The following NALCN variants were observed in gnomAD, a reference collection of about 807,000 sequenced individuals.
NALCN encodes the protein sodium leak channel, non-selective.
In NALCN, 111 loss-of-function variants were observed where a neutral mutation model predicts 225.3. The ratio of observed to expected loss-of-function variants is 0.49; its 90% CI spans 0.42 to 0.58. The LOEUF (loss-of-function observed/expected upper bound fraction) is 0.58, where lower values mean the gene tolerates loss of function less well. Among genes scored for constraint, NALCN ranks in the 20% least tolerant of loss-of-function variants. The pLI is 0.00. For synonymous variants in NALCN, 764 were observed against 769.0 expected, an observed-to-expected ratio of 0.99 and a Z score of 0.11; for missense variants, 1,378 against 2,202.4, an observed-to-expected ratio of 0.63 and a Z score of 7.49.
In NALCN at chr13:101,054,658, G is replaced by T. The variant is rs968061237; in HGVS notation, c.*637C>A. ...GCACACACAATTTTCTTAGAAGGAG[G>T]CAACAGTTTCATTAACATAACTGAG... is the stretch of plus-strand genomic sequence containing the variant. On this transcript the variant is annotated 3_prime_UTR_variant, in exon 44 of 44. Transcript: ENST00000251127. The T allele has an allele frequency of 6.6e-6, 1 of 152,054 alleles. No individual in the cohort carries two copies. The highest frequency in any genetic ancestry group is 2.4e-5 in the African/African-American group (1 of 41,404). The allele number at this position is 152,054 out of a possible 1,614,324, so 9.4% of individuals were successfully genotyped here.
At chr13:101,140,819 G>A (rs2037041278) in intron 17 of NALCN, among the ~76,000 whole-genome samples, 2 of 152,204 alleles carry the variant, frequency 1.3e-5, no homozygotes, top group Non-Finnish European at 2.9e-5. Flanking sequence ...GGCTACTCGG[G>A]AGGCTGAGGC....
chr13:101,287,510 C>G (rs1309488561), intron 9 of NALCN, among the ~76,000 whole-genome samples: 1 of 152,098 alleles, frequency 6.6e-6, no homozygotes, highest in African/African-American at 2.4e-5. Context: ...TTTTTACATG[C>G]AAAGTGGAGA....
At chr13:101,223,224 A>T (rs767125589) in intron 13 of NALCN, among the ~76,000 whole-genome samples, 2 of 152,180 alleles carry the variant, frequency 1.3e-5, no homozygotes, top group Non-Finnish European at 2.9e-5. Flanking sequence ...ATAAAGGAAC[A>T]GTTAAAAGCC....
At position 101,107,517 on chromosome 13, in the gene NALCN, C is replaced by T. The variant is rs2035192204; in HGVS notation, c.2549G>A (p.Cys850Tyr). ...VGREHRFRNF[C>Y]RVVVRARFNA... ...GAAGCGTGCTCGGACCACCACCCGG[C>T]AAAAGTTTCTGAACCTGTGTTCTCG... The change falls in exon 22 of 44, where the codon TGC becomes TAC. Residue 850 changes from cysteine (C) to tyrosine (Y), a missense_variant. Transcript: ENST00000251127. 2 of 1,614,008 alleles carry T rather than the reference C, an allele frequency of 1.2e-6. No individual in the cohort carries two copies. The highest frequency in any genetic ancestry group is 1.3e-5 in the African/African-American group (1 of 74,928).
rs372340040 is a variant in NALCN, at chr13:101,071,198, T to C, written c.4198-2371A>G. 4.3e-4 allele frequency among the ~76,000 whole-genome samples: 66 copies of C among 152,294 alleles called. 2 individuals are homozygous for C. The highest frequency in any genetic ancestry group is 1.5e-3 in the African/African-American group (63 of 41,552). The stretch of plus-strand genomic sequence containing the variant: ...AAACCATTGCAGGGTCCTAGGATTT[T>C]TGGAATGGTAAATGAGCATTGGCTT... On this transcript the variant is annotated intron_variant, in intron 37 of 43. Transcript: ENST00000251127.
At chr13:101,068,108 AT>A in intron 38 of NALCN, 75 bp from the exon 39 acceptor site, 1 of 871,636 alleles carries the variant, frequency 1.1e-6, no homozygotes, top group Non-Finnish European at 1.8e-6. Flanking sequence ...TAAAACATCT[AT>A]TATTAATAAT....
intron 17 of NALCN, among the ~76,000 whole-genome samples, chr13:101,132,676 G>T (rs1249627916): frequency 6.6e-6 from 1 of 151,970 alleles, no homozygotes; most frequent in Non-Finnish European, 1.5e-5. Context: ...AGTTGTCTAA[G>T]TTCACTCAGA....
At chr13:101,361,562 A>G (rs2139366286) in intron 6 of NALCN, among the ~76,000 whole-genome samples, 1 of 152,346 alleles carries the variant, frequency 6.6e-6, no homozygotes, top group South Asian at 2.1e-4. Flanking sequence ...CTGAAAGCAT[A>G]GAAAGCAGTG....
In NALCN at chr13:101,340,758, A is replaced by G. The variant is rs114401744; in HGVS notation, c.799+4508T>C. Among the ~76,000 whole-genome samples the G allele has an allele frequency of 3.3e-3, 496 of 152,296 alleles. 3 individuals are homozygous for G. The highest frequency in any genetic ancestry group is 0.011 in the African/African-American group (466 of 41,552). ...TCATGTGCCCCTAATAATTTTAAAC[A>G]TGCTACAGCAAATAGCATAACTCTA... On this transcript the variant is annotated intron_variant, in intron 7 of 43. Coordinates refer to ENST00000251127, the MANE Select transcript of NALCN (RefSeq NM_052867.4).
At chr13:101,209,567 CATT>C (rs1323043494) in intron 13 of NALCN, among the ~76,000 whole-genome samples, 1 of 152,060 alleles carries the variant, frequency 6.6e-6, no homozygotes, top group African/African-American at 2.4e-5. Flanking sequence ...TTGCCGGACA[CATT>C]ATATTCTGTT....
Position 101,107,494 on chromosome 13 carries a change from A to C in NALCN, c.2572T>G (p.Phe858Val), listed in dbSNP as rs1250657931. The change falls in exon 22 of 44, where the codon TTC becomes GTC. Residue 858 changes from phenylalanine to valine, a missense_variant. By Grantham distance (50) the Phe-to-Val change is conservative. Transcript: ENST00000251127. ...GAAATGAAGTGTACTTACGCGTTGAAGCGTGCTCGGACCACCACCCGGCAA... is the reference window on the plus strand; with the variant it reads ...GAAATGAAGTGTACTTACGCGTTGACGCGTGCTCGGACCACCACCCGGCAA... ...NFCRVVVRARFNASKTDPVTG... is the reference protein window; with the variant it reads ...NFCRVVVRARVNASKTDPVTG... The C allele has an allele frequency of 1.2e-6, 2 of 1,614,084 alleles. No individual in the cohort carries two copies. The highest frequency in any genetic ancestry group is 3.3e-5 in the Admixed American group (2 of 60,010).
chr13:101,090,074 G>GTATATACACAT, intron 28 of NALCN, 108 bp from the exon 29 acceptor site: 1 of 1,368,882 alleles, frequency 7.3e-7, no homozygotes, highest in South Asian at 1.3e-5. Flanking sequence ...GTGTGTGTGT[G>GTATATACACAT]TATATACACA....
At position 101,061,155 on chromosome 13, in the gene NALCN, G is replaced by C. The variant is rs9585608; in HGVS notation, c.4755+813C>G. On this transcript the variant is annotated intron_variant, in intron 41 of 43. Coordinates refer to ENST00000251127, the MANE Select transcript of NALCN (RefSeq NM_052867.4). ...TGTAAATACAGTATATGTCAATGCA[G>C]TATACATTCATTAATTTATGAGTTA... Among the ~76,000 whole-genome samples the C allele has an allele frequency of 4.0e-3, 603 of 152,258 alleles. 2 individuals are homozygous for C. The highest frequency in any genetic ancestry group is 0.014 in the African/African-American group (573 of 41,538).
intron 13 of NALCN, among the ~76,000 whole-genome samples, chr13:101,210,024 A>G (rs1360486495): frequency 6.6e-6 from 1 of 152,226 alleles, no homozygotes; most frequent in East Asian, 1.9e-4. Flanking sequence ...CAAAAGCCAC[A>G]GCAGCAATAC....
chr13:101,074,694 G>GAGAGAGAGAGAGAGAGAGACAGAGAC, intron 35 of NALCN, 32 bp from the exon 36 acceptor site: 1 of 422,906 alleles, frequency 2.4e-6, no homozygotes, highest in Non-Finnish European at 3.3e-6. Flanking sequence ...CGGGGAGACA[G>GAGAGAGAGAGAGAGAGAGACAGAGAC]AGAGAGAGAG....
chr13:101,355,009 C>T (rs575876348), intron 6 of NALCN, among the ~76,000 whole-genome samples: 1 of 152,296 alleles, frequency 6.6e-6, no homozygotes, highest in East Asian at 1.9e-4. Context: ...TCAATGAGCT[C>T]CTGCTCTGAG....
At position 101,065,511 on chromosome 13, in the gene NALCN, C is replaced by T. The variant is rs1404576537; in HGVS notation, c.4497G>A (p.Gly1499=). 2 of 1,614,068 alleles carry T rather than the reference C, an allele frequency of 1.2e-6. No individual in the cohort carries two copies. The highest frequency in any genetic ancestry group is 1.7e-6 in the Non-Finnish European group (2 of 1,180,036). ...RVKFLLRLLR[G]RLEVDLDKDK... is the part of the protein sequence containing the mutation. The stretch of plus-strand genomic sequence containing the variant: ...CCTTGTCCAGGTCCACCTCCAGCCT[C>T]CCACGCAGTAGCCGCAGCAGGAACT... The change falls in exon 40 of 44, where the codon GGG becomes GGA. Residue 1499 remains glycine (G), a synonymous_variant. Transcript: ENST00000251127.
intron 17 of NALCN, among the ~76,000 whole-genome samples, chr13:101,131,536 G>C (rs1042221308): frequency 1.1e-4 from 16 of 151,962 alleles, no homozygotes; most frequent in Admixed American, 3.9e-4. Flanking sequence ...CACAAATTTT[G>C]TCTGGATCTG....
At chr13:101,323,933 G>GTT (rs2044847108) in intron 7 of NALCN, among the ~76,000 whole-genome samples, 1 of 152,138 alleles carries the variant, frequency 6.6e-6, no homozygotes, top group Non-Finnish European at 1.5e-5. Context: ...TAGTACAGGA[G>GTT]TCACTGAGAT....
Sources: allele counts gnomAD v4.1 joint callset (sites outside exome capture counted in the v4.1 genomes callset), GRCh38; gene constraint gnomAD v4.1.1; transcripts MANE v1.5; gene names NCBI Gene and HGNC (gene_info 2026-07-23, HGNC 2026-07-21).